MADD: variants seen among roughly 807,000 people sequenced by gnomAD.
MADD encodes MAP kinase activating death domain.
A neutral mutation model predicts 176.7 loss-of-function variants in MADD; 109 were observed. The ratio of observed to expected loss-of-function variants is 0.62; its 90% CI spans 0.53 to 0.72. The LOEUF (loss-of-function observed/expected upper bound fraction) is 0.72. Ranked by LOEUF, MADD falls within the 30% of genes least tolerant of loss-of-function variation. The pLI, the probability that MADD is intolerant of heterozygous loss-of-function variation, is 0.00. For synonymous variants in MADD, 771 were observed against 771.3 expected, an observed-to-expected ratio of 1.00 and a Z score of 0.01; for missense variants, 1,914 against 2,045.5, an observed-to-expected ratio of 0.94 and a Z score of 1.24.
chr11:47,272,991 C>T (rs1046985461), intron 1 of MADD, among the ~76,000 whole-genome samples: 3 of 152,208 alleles, frequency 2.0e-5, no homozygotes, highest in African/African-American at 4.8e-5. Context: ...GGGGCATGGA[C>T]ATTTTCATTT....
chr11:47,309,838 CTT>C (rs60488949), intron 25 of MADD, among the ~76,000 whole-genome samples: 5 of 143,652 alleles, frequency 3.5e-5, no homozygotes, highest in Non-Finnish European at 6.1e-5. Flanking sequence ...TGATGATTCT[CTT>C]TTTTTTTTTT....
intron 19 of MADD, among the ~76,000 whole-genome samples, chr11:47,293,473 T>A (rs1593026784): frequency 1.3e-5 from 2 of 152,012 alleles, no homozygotes; most frequent in Admixed American, 1.3e-4. Flanking sequence ...GGCTAATTTT[T>A]GTATTTTTTG....
At chr11:47,306,786 C>T (rs991251240) in intron 22 of MADD, among the ~76,000 whole-genome samples, 2 of 152,146 alleles carry the variant, frequency 1.3e-5, no homozygotes, top group Non-Finnish European at 1.5e-5. Flanking sequence ...GTTTATTACT[C>T]TACCTCTCTT....
intron 22 of MADD, among the ~76,000 whole-genome samples, chr11:47,297,492 G>A (rs891489812): frequency 1.3e-5 from 2 of 151,360 alleles, no homozygotes; most frequent in African/African-American, 4.9e-5. Flanking sequence ...TGTCACCCAG[G>A]CTGGAGTGCA....
chr11:47,270,041 G>A (rs1048288197), upstream of MADD: 19 of 152,140 alleles, frequency 1.2e-4, no homozygotes, highest in African/African-American at 4.4e-4. Flanking sequence ...CGCGGCGCTC[G>A]GCTCGGTGCA....
chr11:47,272,959 A>G (rs1274683995), intron 1 of MADD, among the ~76,000 whole-genome samples: 2 of 152,152 alleles, frequency 1.3e-5, no homozygotes, highest in African/African-American at 4.8e-5. Context: ...GGAGGGAGAA[A>G]AGTGGTGCAG....
At chr11:47,289,016 G>A (rs768909962) in intron 15 of MADD, 1 of 1,594,126 alleles carries the variant, frequency 6.3e-7, no homozygotes, top group Non-Finnish European at 8.5e-7. Flanking sequence ...GCCGGCCCCG[G>A]GAGTGGTGAA....
In MADD at chr11:47,287,782, A is replaced by AT. The variant is rs57417064; in HGVS notation, c.2653+1273dup. On this transcript the variant is annotated intron_variant, in intron 15 of 32. Transcript: ENST00000402192. ...GTAGGAAGTGCAGTGAGAAACATGTATTTTTTTTTTTTTTTTTTTTTTTTT... is the reference window on the plus strand; with the variant it reads ...GTAGGAAGTGCAGTGAGAAACATGTATTTTTTTTTTTTTTTTTTTTTTTTTT... Among the ~76,000 whole-genome samples, 349 of 54,842 alleles carry AT rather than the reference A, an allele frequency of 6.4e-3. 4 individuals carry two copies. The highest frequency in any genetic ancestry group is 0.013 in the African/African-American group (155 of 12,254). The allele number at this position is 54,842 out of a possible 152,430, so 36.0% of individuals were successfully genotyped here.
intron 27 of MADD, among the ~76,000 whole-genome samples, chr11:47,322,519 G>A (rs1446672873): frequency 6.6e-6 from 1 of 152,168 alleles, no homozygotes; most frequent in Non-Finnish European, 1.5e-5. Flanking sequence ...GGCTGAGGCA[G>A]GAGAATGGCG....
intron 27 of MADD, among the ~76,000 whole-genome samples, chr11:47,319,916 C>T (rs1282688614): frequency 2.0e-5 from 3 of 148,228 alleles, no homozygotes; most frequent in Admixed American, 6.9e-5. Context: ...CGCTTGAACC[C>T]GGAGGCGGAG....
upstream of MADD, chr11:47,269,923 C>A (rs1258572507): frequency 6.6e-6 from 1 of 152,180 alleles, no homozygotes; most frequent in Non-Finnish European, 1.5e-5. Context: ...CTGTGGGTCC[C>A]CCACTTGGCA....
intron 14 of MADD, among the ~76,000 whole-genome samples, chr11:47,285,884 G>A (rs2060269596): frequency 6.6e-6 from 1 of 152,204 alleles, no homozygotes; most frequent in Non-Finnish European, 1.5e-5. Flanking sequence ...CTTATATTTT[G>A]TGGAAATACT....
chr11:47,278,743 C>T (rs577445179), intron 6 of MADD, among the ~76,000 whole-genome samples: 118 of 151,954 alleles, frequency 7.8e-4, no homozygotes, highest in Admixed American at 3.4e-3. Context: ...TAAAAATAAG[C>T]GTAAATAAAA....
At chr11:47,294,179 G>A (rs527408074) in intron 20 of MADD, among the ~76,000 whole-genome samples, 196 bp downstream of exon 22, 89 of 150,518 alleles carry the variant, frequency 5.9e-4, no homozygotes, top group African/African-American at 2.0e-3. Flanking sequence ...GTGAAACCCC[G>A]CCCCTATGAA....
chr11:47,269,411 G>C (rs1239729163), upstream of MADD: 2 of 152,426 alleles, frequency 1.3e-5, no homozygotes, highest in Non-Finnish European at 2.9e-5. Flanking sequence ...TGCACCTCAC[G>C]TGCATGTGTA....
exon 21 of MADD, chr11:47,295,524 T>C: frequency 6.2e-7 from 1 of 1,614,048 alleles, no homozygotes; most frequent in Non-Finnish European, 8.5e-7. Flanking sequence ...GTCATCGGCG[T>C]GAGTCCAGCT....
At chr11:47,286,727 C>T (rs577079689) in intron 15 of MADD, among the ~76,000 whole-genome samples, 193 bp downstream of exon 15, 11 of 152,186 alleles carry the variant, frequency 7.2e-5, no homozygotes, top group South Asian at 2.1e-4. Flanking sequence ...TAGCTAGAGA[C>T]GGCCCTGTTA....
intron 22 of MADD, among the ~76,000 whole-genome samples, chr11:47,300,127 G>C (rs2076474767): frequency 6.6e-6 from 1 of 151,612 alleles, no homozygotes; most frequent in Non-Finnish European, 1.5e-5. Context: ...TTTGTATTTG[G>C]TATTCGTTCT....
intron 21 of MADD, 29 bp from the exon 24 acceptor site, chr11:47,295,868 T>C (rs371500275): frequency 8.2e-6 from 13 of 1,593,420 alleles, no homozygotes; most frequent in African/African-American, 1.3e-5. Context: ...CCCTGGGGAC[T>C]GTCTCTTACT....
Sources: gnomAD v4.1 joint callset for allele counts (sites outside exome capture counted in the v4.1 genomes callset) on GRCh38, gnomAD v4.1.1 for gene constraint, MANE v1.5 for transcripts, NCBI Gene and HGNC (gene_info 2026-07-23, HGNC 2026-07-21) for gene names.